ACSS3: variants seen among roughly 807,000 people sequenced by gnomAD.
The protein encoded by ACSS3 is acyl-CoA synthetase short-chain family member 3, mitochondrial.
Under a neutral mutation model 84.2 loss-of-function variants are expected in ACSS3, and 64 were observed. The observed-to-expected ratio is 0.76, with a 90% CI of 0.62 to 0.94. The LOEUF is 0.94. Among genes scored for constraint, ACSS3 ranks in the 40% least tolerant of loss-of-function variants. The probability of loss-of-function intolerance (pLI) is 0.00; values close to 1 mark genes in which losing one functional copy is unlikely to be tolerated. For missense variants in ACSS3, 815 were observed against 867.6 expected, an observed-to-expected ratio of 0.94 and a Z score of 0.76; for synonymous variants, 317 against 310.1, an observed-to-expected ratio of 1.02 and a Z score of -0.23.
At chr12:81,094,294 G>A (rs918585959) in intron 1 of ACSS3, 1 of 151,536 alleles carries the variant, frequency 6.6e-6, no homozygotes, top group Non-Finnish European at 1.5e-5. Flanking sequence ...AATAAATATT[G>A]TAAGTTCCCA....
rs1423323620 is a variant in ACSS3, at chr12:81,259,410, A to G, written c.*4488A>G. On this transcript the variant is annotated 3_prime_UTR_variant, in exon 16 of 16. Coordinates refer to ENST00000548058, the MANE Select transcript of ACSS3 (RefSeq NM_024560.4). ...CATGAAAAACAACTGGCTTCATTTCATAAAAGCATCTGTTGTACAGAGTTT... is the reference window on the plus strand; with the variant it reads ...CATGAAAAACAACTGGCTTCATTTCGTAAAAGCATCTGTTGTACAGAGTTT... 4.3e-5 allele frequency: 28 copies of G among 655,688 alleles called. No individual in the cohort carries two copies. The East Asian group carries it at 8.1e-4, about 19-fold the overall frequency. The allele number at this position is 655,688 out of a possible 1,614,324, so 40.6% of individuals were successfully genotyped here. A position where few individuals can be genotyped will look rare whatever the true frequency, so the allele number is the denominator to read the frequency against.
At chr12:81,115,748 A>G (rs1883988363) in intron 2 of ACSS3, among the ~76,000 whole-genome samples, 1 of 152,206 alleles carries the variant, frequency 6.6e-6, no homozygotes, top group Non-Finnish European at 1.5e-5. Context: ...GAAAACCTTA[A>G]CAAAAATAAT....
At chr12:81,087,091 A>G (rs954032250) in intron 1 of ACSS3, among the ~76,000 whole-genome samples, 1 of 152,158 alleles carries the variant, frequency 6.6e-6, no homozygotes, top group Non-Finnish European at 1.5e-5. Flanking sequence ...AGTTTGAAGG[A>G]GTCCAATTGG....
chr12:81,193,124 G>T (rs1375272366), intron 8 of ACSS3, among the ~76,000 whole-genome samples: 1 of 152,054 alleles, frequency 6.6e-6, no homozygotes, highest in Non-Finnish European at 1.5e-5. Flanking sequence ...AATTCTAATG[G>T]GGAGCAAATA....
rs550776825 is a variant in ACSS3, at chr12:81,133,416, C to T, written c.457-1400C>T. On this transcript the variant is annotated intron_variant, in intron 2 of 15. Coordinates refer to ENST00000548058, the MANE Select transcript of ACSS3 (RefSeq NM_024560.4). Reference sequence around the variant, plus strand: ...AGGCCCTTTGGCTCCCTGACCTGATCGACAACTGTCTTTTCACTTGTTTCT... The same window carrying T: ...AGGCCCTTTGGCTCCCTGACCTGATTGACAACTGTCTTTTCACTTGTTTCT... 3.0e-3 allele frequency among the ~76,000 whole-genome samples: 460 copies of T among 152,242 alleles called. 2 individuals are homozygous for T. The highest frequency in any genetic ancestry group is 5.2e-3 in the Admixed American group (79 of 15,276).
intron 13 of ACSS3, among the ~76,000 whole-genome samples, chr12:81,248,882 C>A (rs1048697034): frequency 6.6e-6 from 1 of 151,764 alleles, no homozygotes; most frequent in Non-Finnish European, 1.5e-5. Flanking sequence ...TACAAAAAAA[C>A]CGTAAAATTT....
intron 5 of ACSS3, among the ~76,000 whole-genome samples, chr12:81,148,918 A>C (rs1886478483): frequency 6.6e-6 from 1 of 150,590 alleles, no homozygotes; most frequent in Admixed American, 6.6e-5. Flanking sequence ...AAAAAAAAAA[A>C]AAAATTAGCT....
chr12:81,090,337 C>T (rs1881593013), intron 1 of ACSS3, among the ~76,000 whole-genome samples: 1 of 151,996 alleles, frequency 6.6e-6, no homozygotes, highest in Non-Finnish European at 1.5e-5. Flanking sequence ...TGTCACTTCA[C>T]ATCTATTATG....
At chr12:81,204,157 C>T (rs1448890726) in intron 9 of ACSS3, among the ~76,000 whole-genome samples, 1 of 151,730 alleles carries the variant, frequency 6.6e-6, no homozygotes, top group East Asian at 1.9e-4. Context: ...GATTTAAGAT[C>T]ACTGTAAAGG....
In ACSS3 at chr12:81,109,570, G is replaced by A. The variant is rs1016842077; in HGVS notation, c.322G>A (p.Gly108Arg). The A allele has an allele frequency of 1.9e-6, 3 of 1,604,820 alleles. No individual in the cohort carries two copies. Among genetic ancestry groups the A allele is most frequent in the Non-Finnish European group, 2.5e-6 (3 of 1,177,020 alleles). ...CCAATTATTTTTCAGGTTTGTGGAA[G>A]GAATGCTTAACATTTGTTACAATGC... The part of the protein sequence containing the change: ...HSPSTRWFVE[G>R]MLNICYNAVD... Residue 108 changes from glycine (G) to arginine (R), a missense_variant, in exon 2 of 16, where the codon GGA becomes AGA. By Grantham distance (125) the Gly-to-Arg change is moderately radical. Coordinates refer to ENST00000548058, the MANE Select transcript of ACSS3 (RefSeq NM_024560.4).
At chr12:81,146,525 T>G (rs959355883) in intron 5 of ACSS3, among the ~76,000 whole-genome samples, 2 of 152,188 alleles carry the variant, frequency 1.3e-5, no homozygotes, top group East Asian at 3.9e-4. Flanking sequence ...AAAACACACA[T>G]AAGGCAGTCT....
At chr12:81,111,887 T>C (rs1167643649) in intron 2 of ACSS3, among the ~76,000 whole-genome samples, 3 of 152,116 alleles carry the variant, frequency 2.0e-5, no homozygotes, top group Non-Finnish European at 4.4e-5. Context: ...CTAATAAGAA[T>C]GGGGTTCAAA....
chr12:81,133,487 A>G (rs1465512205), intron 2 of ACSS3, among the ~76,000 whole-genome samples: 3 of 152,016 alleles, frequency 2.0e-5, no homozygotes, highest in Non-Finnish European at 4.4e-5. Context: ...CGCATCACAT[A>G]TGATCTCCTT....
chr12:81,087,692 C>T (rs556176357), intron 1 of ACSS3, among the ~76,000 whole-genome samples: 1 of 152,158 alleles, frequency 6.6e-6, no homozygotes, highest in East Asian at 1.9e-4. Context: ...CATTGATTTT[C>T]AATTGAGAGG....
At position 81,258,125 on chromosome 12, in the gene ACSS3, A is replaced by G. The variant is rs2136033760; in HGVS notation, c.*3203A>G. On this transcript the variant is annotated 3_prime_UTR_variant, in exon 16 of 16. Transcript: ENST00000548058. ...AGAAAAAAATTTTAAGATCACTCCC[A>G]TAAGCAAGTTTAGATCTCCCTCTTG... 6.6e-6 allele frequency: 1 copy of G among 152,240 alleles called. No individual in the cohort carries two copies. Among genetic ancestry groups the G allele is most frequent in the East Asian group, 1.9e-4 (1 of 5,172 alleles). 9.4% of individuals were successfully genotyped at this position (152,240 alleles called of 1,614,324 possible).
intron 2 of ACSS3, among the ~76,000 whole-genome samples, chr12:81,126,164 T>C (rs1211883111): frequency 6.6e-6 from 1 of 152,214 alleles, no homozygotes; most frequent in Admixed American, 6.5e-5. Flanking sequence ...ATGTTTTCTC[T>C]CTCTATACTA....
chr12:81,199,279 G>T, intron 8 of ACSS3, 62 bp from the exon 9 acceptor site: 3 of 1,431,946 alleles, frequency 2.1e-6, no homozygotes, highest in African/African-American at 1.4e-5. Flanking sequence ...TTTTTAAAAT[G>T]TAAATACAAT....
intron 9 of ACSS3, among the ~76,000 whole-genome samples, chr12:81,216,584 G>A (rs954551659): frequency 2.0e-5 from 3 of 152,036 alleles, no homozygotes; most frequent in South Asian, 4.1e-4. Flanking sequence ...TTATGGAACC[G>A]TCCAAGTCAC....
chr12:81,081,338 A>G (rs1284022352), intron 1 of ACSS3, among the ~76,000 whole-genome samples: 2 of 152,192 alleles, frequency 1.3e-5, no homozygotes, highest in Non-Finnish European at 2.9e-5. Context: ...TAAGACCTTC[A>G]AAAAACAAAT....
Sources: allele counts gnomAD v4.1 joint callset (sites outside exome capture counted in the v4.1 genomes callset), GRCh38; gene constraint gnomAD v4.1.1; transcripts MANE v1.5; gene names NCBI Gene and HGNC (gene_info 2026-07-23, HGNC 2026-07-21).